Variants in C8orf34 observed in about 807,000 individuals in gnomAD.
The protein encoded by C8orf34 is chromosome 8 open reading frame 34, also known as uncharacterized protein C8orf34.
A neutral mutation model predicts 68.3 loss-of-function variants in C8orf34; 65 were observed. The observed-to-expected ratio is 0.95, with a 90% confidence interval of 0.78 to 1.17. C8orf34 has a LOEUF of 1.17. C8orf34 is among the 50% of genes most tolerant of loss of function. C8orf34 has a pLI of 0.00. For missense variants in C8orf34, 664 were observed against 655.4 expected (o/e 1.01, Z -0.14); for synonymous variants, 244 against 241.2 (o/e 1.01, Z -0.11).
intron 1 of C8orf34, among the ~76,000 whole-genome samples, chr8:68,426,229 C>CA (rs569883318): frequency 1.1e-3 from 171 of 151,542 alleles, no homozygotes; most frequent in African/African-American, 4.0e-3. Flanking sequence ...GTTAAGGGGG[C>CA]AAAAAATGGC....
chr8:68,773,082 C>T (rs1823400803), intron 10 of C8orf34, among the ~76,000 whole-genome samples: 1 of 152,048 alleles, frequency 6.6e-6, no homozygotes, highest in Admixed American at 6.6e-5. Context: ...ATTTAAAATG[C>T]CAATTCTTTA....
Position 68,498,003 on chromosome 8 carries a change from T to C in C8orf34, c.765+9952T>C, listed in dbSNP as rs112094657. Among the ~76,000 whole-genome samples, 1,258 of 152,226 alleles carry C rather than the reference T, an allele frequency of 8.3e-3. 17 individuals are homozygous for C. Among genetic ancestry groups the C allele is most frequent in the African/African-American group, 0.029 (1,186 of 41,522 alleles). ...ACCACCATGCCCAGCTAATTTTGTA[T>C]TTTTAGTAGAGATGGGGTTTCTCCA... is the stretch of plus-strand genomic sequence containing the variant. On this transcript the variant is annotated intron_variant, in intron 5 of 13. Transcript: ENST00000518698.
chr8:68,618,534 G>C (rs2130616779), intron 7 of C8orf34, among the ~76,000 whole-genome samples: 1 of 152,094 alleles, frequency 6.6e-6, no homozygotes, highest in African/African-American at 2.4e-5. Flanking sequence ...ATTTTCTGTA[G>C]AGACAGGGCC....
intron 1 of C8orf34, among the ~76,000 whole-genome samples, chr8:68,404,407 T>C (rs575007109): frequency 6.6e-6 from 1 of 152,336 alleles, no homozygotes; most frequent in African/African-American, 2.4e-5. Context: ...TCTTGGCTTT[T>C]GTTGCCATTG....
At chr8:68,678,795 G>A (rs114548843) in intron 8 of C8orf34, among the ~76,000 whole-genome samples, 1 of 142,664 alleles carries the variant, frequency 7.0e-6, no homozygotes, top group Non-Finnish European at 1.5e-5. Context: ...AAAGGAAAAA[G>A]TTAAATTATC....
At chr8:68,630,807 T>A (rs905094781) in intron 7 of C8orf34, among the ~76,000 whole-genome samples, 6 of 152,018 alleles carry the variant, frequency 3.9e-5, no homozygotes, top group African/African-American at 1.4e-4. Context: ...GCAGACAGGA[T>A]CTCACTCTGT....
At chr8:68,335,265 A>G (rs901880362) in intron 1 of C8orf34, among the ~76,000 whole-genome samples, 5 of 152,198 alleles carry the variant, frequency 3.3e-5, no homozygotes, top group African/African-American at 1.2e-4. Context: ...GTTTAAAAAT[A>G]ATTTGTCGTT....
chr8:68,474,226 A>G (rs1812504090), intron 4 of C8orf34, among the ~76,000 whole-genome samples: 1 of 152,104 alleles, frequency 6.6e-6, no homozygotes, highest in African/African-American at 2.4e-5. Context: ...GTTAAACTCA[A>G]TGTATCTAAG....
chr8:68,355,531 T>C (rs975008518), intron 1 of C8orf34, among the ~76,000 whole-genome samples: 2 of 152,182 alleles, frequency 1.3e-5, no homozygotes, highest in African/African-American at 4.8e-5. Flanking sequence ...CAGTAGATGC[T>C]GTTGCTTCTC....
chr8:68,396,936 T>C (rs971798804), intron 1 of C8orf34, among the ~76,000 whole-genome samples: 11 of 152,104 alleles, frequency 7.2e-5, no homozygotes, highest in African/African-American at 2.6e-4. Context: ...GCTTCATGTA[T>C]TCCTTTATAG....
chr8:68,389,213 C>T (rs1354108438), intron 1 of C8orf34, among the ~76,000 whole-genome samples: 1 of 152,076 alleles, frequency 6.6e-6, no homozygotes, highest in African/African-American at 2.4e-5. Flanking sequence ...GAATAAAAAG[C>T]ACAGTAAGTG....
At chr8:68,774,977 C>G in intron 10 of C8orf34, among the ~76,000 whole-genome samples, 1 of 82,424 alleles carries the variant, frequency 1.2e-5, no homozygotes, top group Non-Finnish European at 2.4e-5. Flanking sequence ...ATTAGCTGGG[C>G]GGGGTGGCAC....
At chr8:68,338,234 A>T (rs1805931368) in intron 1 of C8orf34, among the ~76,000 whole-genome samples, 1 of 152,170 alleles carries the variant, frequency 6.6e-6, no homozygotes, top group Non-Finnish European at 1.5e-5. Flanking sequence ...AATCCCATTA[A>T]TGAGGGAGCA....
At chr8:68,709,516 A>G (rs1484293859) in intron 9 of C8orf34, among the ~76,000 whole-genome samples, 1 of 152,086 alleles carries the variant, frequency 6.6e-6, no homozygotes, top group African/African-American at 2.4e-5. Flanking sequence ...TGTCAATATC[A>G]TACTTGACAA....
chr8:68,440,888 TC>T (rs1160231097), intron 2 of C8orf34, among the ~76,000 whole-genome samples: 1 of 151,590 alleles, frequency 6.6e-6, no homozygotes, highest in Non-Finnish European at 1.5e-5. Flanking sequence ...CACTGCAAGC[TC>T]CGCTTCCTGG....
chr8:68,711,670 C>A (rs1821332692), intron 9 of C8orf34, among the ~76,000 whole-genome samples: 2 of 152,002 alleles, frequency 1.3e-5, no homozygotes, highest in Admixed American at 1.3e-4. Flanking sequence ...ACAAAGTCTC[C>A]AAGAAGTTTG....
intron 10 of C8orf34, among the ~76,000 whole-genome samples, chr8:68,756,090 A>C (rs916601947): frequency 4.3e-5 from 6 of 139,020 alleles, no homozygotes; most frequent in Non-Finnish European, 7.5e-5. Flanking sequence ...AAAAAACAAA[A>C]AAAAAAACCA....
At chr8:68,433,482 AC>A (rs1158519309) in intron 1 of C8orf34, among the ~76,000 whole-genome samples, 3 of 152,188 alleles carry the variant, frequency 2.0e-5, no homozygotes, top group Non-Finnish European at 2.9e-5. Flanking sequence ...TTTCCTAATA[AC>A]TTTCCCCTGA....
chr8:68,512,258 T>A (rs1262392767), intron 5 of C8orf34, among the ~76,000 whole-genome samples: 1 of 152,190 alleles, frequency 6.6e-6, no homozygotes, highest in Non-Finnish European at 1.5e-5. Context: ...GACAATAGAA[T>A]TTTAGAAATC....
Sources: gnomAD v4.1 joint callset for allele counts (sites outside exome capture counted in the v4.1 genomes callset) on GRCh38, gnomAD v4.1.1 for gene constraint, MANE v1.5 for transcripts, NCBI Gene and HGNC (gene_info 2026-07-23, HGNC 2026-07-21) for gene names.